Variants in LRBA observed in about 807,000 individuals in gnomAD.
LRBA encodes the protein LPS responsive beige-like anchor protein, also known as lipopolysaccharide-responsive and beige-like anchor protein.
LRBA carries 176 observed loss-of-function variants against 330.0 expected under a neutral mutation model. The ratio of observed to expected loss-of-function variants is 0.53; its 90% CI spans 0.47 to 0.60. The LOEUF is 0.60. Ranked by LOEUF, LRBA falls within the 20% of genes least tolerant of loss-of-function variation. LRBA has a pLI of 0.00. For missense variants in LRBA, 3,259 were observed against 3,444.8 expected, an observed-to-expected ratio of 0.95 and a Z score of 1.35; for synonymous variants, 1,230 against 1,193.0, an observed-to-expected ratio of 1.03 and a Z score of -0.64.
chr4:150,950,822 A>T (rs1736757803), intron 2 of LRBA, among the ~76,000 whole-genome samples: 1 of 152,154 alleles, frequency 6.6e-6, no homozygotes, highest in African/African-American at 2.4e-5. Flanking sequence ...GGTCACAGAG[A>T]GGTCACTTAA....
intron 37 of LRBA, among the ~76,000 whole-genome samples, chr4:150,670,725 G>A (rs886166516): frequency 1.3e-5 from 2 of 152,212 alleles, no homozygotes; most frequent in Admixed American, 6.5e-5. Flanking sequence ...CTTTCTATGT[G>A]TGTACACATA....
intron 37 of LRBA, among the ~76,000 whole-genome samples, chr4:150,676,310 T>C (rs1286501481): frequency 6.6e-6 from 1 of 152,210 alleles, no homozygotes; most frequent in Non-Finnish European, 1.5e-5. Context: ...TGAAAAATTA[T>C]AATCATTGCT....
chr4:150,770,673 G>T (rs1736440160), intron 34 of LRBA, among the ~76,000 whole-genome samples: 1 of 151,426 alleles, frequency 6.6e-6, no homozygotes, highest in African/African-American at 2.4e-5. Context: ...TCTGTAAATG[G>T]TCATGTGATC....
At chr4:150,978,593 T>C (rs531362616) in intron 2 of LRBA, among the ~76,000 whole-genome samples, 2 of 152,288 alleles carry the variant, frequency 1.3e-5, no homozygotes, top group South Asian at 4.1e-4. Flanking sequence ...GGCACAGAAT[T>C]CAAAATAGCT....
At chr4:150,842,491 A>T (rs1749239220) in intron 28 of LRBA, among the ~76,000 whole-genome samples, 1 of 152,230 alleles carries the variant, frequency 6.6e-6, no homozygotes. Context: ...TCTAGGAAAT[A>T]TAAAGTTATG....
At chr4:150,871,285 T>C (rs937789201) in intron 19 of LRBA, 60 bp downstream of exon 19, 7 of 874,048 alleles carry the variant, frequency 8.0e-6, no homozygotes, top group Non-Finnish European at 1.1e-5. Context: ...ACCTACACAA[T>C]GTTAAGAGGC....
chr4:150,915,819 T>A, intron 7 of LRBA, 92 bp from the exon 8 acceptor site: 1 of 904,160 alleles, frequency 1.1e-6, no homozygotes, highest in Non-Finnish European at 1.5e-6. Context: ...TGATAAGTTG[T>A]AATTCAACCT....
chr4:150,461,781 T>A (rs1023861327), intron 44 of LRBA, among the ~76,000 whole-genome samples: 15 of 151,914 alleles, frequency 9.9e-5, no homozygotes, highest in African/African-American at 3.1e-4. Context: ...CTGGTTTTTT[T>A]AAAAGGTACC....
At chr4:150,882,287 C>T (rs1728481890) in intron 17 of LRBA, among the ~76,000 whole-genome samples, 1 of 152,156 alleles carries the variant, frequency 6.6e-6, no homozygotes, top group Non-Finnish European at 1.5e-5. Context: ...ACTAGTTTAT[C>T]TGCTAAACAT....
At chr4:150,774,825 G>A (rs1737051650) in intron 34 of LRBA, among the ~76,000 whole-genome samples, 2 of 152,060 alleles carry the variant, frequency 1.3e-5, no homozygotes, top group African/African-American at 4.8e-5. Flanking sequence ...ATTGATTGAG[G>A]GGCCATGACT....
At chr4:150,476,782 T>C (rs1157418669) in intron 42 of LRBA, among the ~76,000 whole-genome samples, 8 of 152,136 alleles carry the variant, frequency 5.3e-5, no homozygotes, top group African/African-American at 1.9e-4. Flanking sequence ...GCTGACTCAA[T>C]ATATTTTTGT....
In LRBA at chr4:150,500,906, T is replaced by C. The variant is rs375977384; in HGVS notation, c.6331-9871A>G. ...TTTTTCCTAATCAGAGGGAAATACT[T>C]TTCTACTTTTTTAAAATTAGTACCT... On this transcript the variant is annotated intron_variant, in intron 40 of 56. Coordinates refer to ENST00000651943, the MANE Select transcript of LRBA (RefSeq NM_001364905.1). 5.9e-5 allele frequency among the ~76,000 whole-genome samples: 9 copies of C among 152,248 alleles called. No individual in the cohort carries two copies. In the East Asian group the frequency reaches 1.4e-3, roughly 23 times the overall value.
Position 150,914,182 on chromosome 4 carries a change from G to A in LRBA, c.1161+13C>T. Reference sequence around the variant, plus strand: ...ACTAACATTGGTTAAGCACAAAACAGTAAGCAAACTACCTTGTATCCCAGG... The same window carrying A: ...ACTAACATTGGTTAAGCACAAAACAATAAGCAAACTACCTTGTATCCCAGG... On this transcript the variant is annotated intron_variant, in intron 9 of 56. Transcript: ENST00000651943. 6.3e-7 allele frequency: 1 copy of A among 1,593,228 alleles called. No individual in the cohort carries two copies. The highest frequency in any genetic ancestry group is 1.4e-5 in the African/African-American group (1 of 74,066).
At chr4:150,634,644 T>C (rs936462364) in intron 37 of LRBA, among the ~76,000 whole-genome samples, 36 of 152,202 alleles carry the variant, frequency 2.4e-4, no homozygotes, top group African/African-American at 8.4e-4. Context: ...ATATTTCTTC[T>C]TTGCATTCTT....
chr4:150,796,996 A>G (rs1740880296), intron 34 of LRBA, among the ~76,000 whole-genome samples: 1 of 151,944 alleles, frequency 6.6e-6, no homozygotes, highest in Non-Finnish European at 1.5e-5. Flanking sequence ...GATTCTCAGT[A>G]AATCTAAGAA....
At chr4:150,374,585 G>A (rs1035487854) in intron 47 of LRBA, among the ~76,000 whole-genome samples, 5 of 152,086 alleles carry the variant, frequency 3.3e-5, no homozygotes, top group South Asian at 2.1e-4. Context: ...TTCAAAATAC[G>A]AAATGCTCCA....
chr4:150,409,840 C>T (rs945313611), intron 47 of LRBA, among the ~76,000 whole-genome samples: 17 of 151,992 alleles, frequency 1.1e-4, no homozygotes, highest in Non-Finnish European at 1.6e-4. Flanking sequence ...GCAAACCAAA[C>T]AATAGTAATT....
At chr4:150,480,949 T>C (rs1209831174) in intron 42 of LRBA, among the ~76,000 whole-genome samples, 5 of 152,176 alleles carry the variant, frequency 3.3e-5, no homozygotes, top group African/African-American at 1.2e-4. Context: ...CCAGCTCTTA[T>C]TTTGTATACT....
intron 2 of LRBA, among the ~76,000 whole-genome samples, chr4:150,951,009 C>T (rs552462729): frequency 6.6e-6 from 1 of 152,276 alleles, no homozygotes; most frequent in African/African-American, 2.4e-5. Flanking sequence ...AATATGTAAA[C>T]TGAAGGCTTC....
Sources: gnomAD v4.1 joint callset for allele counts (sites outside exome capture counted in the v4.1 genomes callset) on GRCh38, gnomAD v4.1.1 for gene constraint, MANE v1.5 for transcripts, NCBI Gene and HGNC (gene_info 2026-07-23, HGNC 2026-07-21) for gene names.